Variants in LEKR1 observed in about 807,000 individuals in gnomAD.
The protein encoded by LEKR1 is protein LEKR1.
Under a neutral mutation model 72.4 loss-of-function variants are expected in LEKR1, and 59 were observed. The observed-to-expected ratio is 0.82, with a 90% confidence interval of 0.66 to 1.01. The LOEUF is 1.01. Among genes scored for constraint, LEKR1 ranks in the 50% least tolerant of loss-of-function variants. The pLI is 0.00. For synonymous variants in LEKR1, 257 were observed against 263.2 expected (o/e 0.98, Z 0.23); for missense variants, 728 against 759.2 (o/e 0.96, Z 0.48).
chr3:157,006,219 A>T (rs534070829), intron 9 of LEKR1, among the ~76,000 whole-genome samples: 102 of 150,094 alleles, frequency 6.8e-4, no homozygotes, highest in South Asian at 6.7e-3. Flanking sequence ...GTTAGCCAGG[A>T]TGGTCTCGAT....
chr3:156,951,828 G>A (rs1034973584), intron 6 of LEKR1, among the ~76,000 whole-genome samples: 1 of 151,516 alleles, frequency 6.6e-6, no homozygotes, highest in African/African-American at 2.4e-5. Flanking sequence ...TCTTTTGAAT[G>A]TTTTTGTGTG....
intron 6 of LEKR1, among the ~76,000 whole-genome samples, chr3:156,965,535 C>T (rs1267167246): frequency 6.6e-6 from 1 of 152,162 alleles, no homozygotes; most frequent in African/African-American, 2.4e-5. Flanking sequence ...TTTAATGTAA[C>T]TACATCTGTA....
chr3:157,044,108 A>T (rs932922097), intron 12 of LEKR1, among the ~76,000 whole-genome samples: 16 of 152,150 alleles, frequency 1.1e-4, no homozygotes, highest in Admixed American at 1.0e-3. Context: ...TAGTCAGTCA[A>T]CCCTTAGGGA....
rs1560168174 is a variant in LEKR1, at chr3:157,045,409, C to G, written c.1738C>G (p.Gln580Glu). Residue 580 changes from glutamine (Q) to glutamate (E), a missense_variant, in exon 13 of 13, where the codon CAA (glutamine) becomes GAA (glutamate). Gln to Glu is a conservative substitution (Grantham distance 29). Transcript: ENST00000356539. ...ERFELTEALS[Q>E]AREQLLELSK... is the part of the protein sequence containing the mutation. ...CTTTGAACTGACAGAGGCTTTGAGTCAAGCCAGAGAACAGCTCCTGGAGCT... is the reference window on the plus strand; with the variant it reads ...CTTTGAACTGACAGAGGCTTTGAGTGAAGCCAGAGAACAGCTCCTGGAGCT... 4 of 1,613,854 alleles carry G rather than the reference C, an allele frequency of 2.5e-6. No individual in the cohort carries two copies. The highest frequency in any genetic ancestry group is 1.7e-5 in the Admixed American group (1 of 59,976).
intron 6 of LEKR1, among the ~76,000 whole-genome samples, chr3:156,959,948 C>T (rs1727967555): frequency 6.6e-6 from 1 of 152,086 alleles, no homozygotes. Context: ...TTCATCCCCC[C>T]CACCCATGTT....
chr3:156,966,849 T>C (rs1308419991), intron 6 of LEKR1, among the ~76,000 whole-genome samples: 1 of 151,984 alleles, frequency 6.6e-6, no homozygotes, highest in Non-Finnish European at 1.5e-5. Context: ...GTCCCTGACC[T>C]CCAAGTAGCC....
chr3:157,044,900 T>C (rs781305070), intron 12 of LEKR1, among the ~76,000 whole-genome samples: 6 of 152,252 alleles, frequency 3.9e-5, no homozygotes, highest in African/African-American at 9.6e-5. Flanking sequence ...TATTATAGTA[T>C]ACCTTCACTA....
intron 3 of LEKR1, among the ~76,000 whole-genome samples, chr3:156,883,355 T>C (rs1025594361): frequency 3.3e-5 from 5 of 152,202 alleles, no homozygotes; most frequent in Non-Finnish European, 5.9e-5. Flanking sequence ...CAGAAGGGAC[T>C]TACCCTGTCT....
intron 6 of LEKR1, among the ~76,000 whole-genome samples, chr3:156,960,927 A>G (rs753251271): frequency 3.7e-4 from 56 of 152,214 alleles, no homozygotes; most frequent in Non-Finnish European, 7.1e-4. Flanking sequence ...AAAATGCACA[A>G]TTTATCTCAA....
chr3:156,919,252 G>A (rs566677700), intron 3 of LEKR1, among the ~76,000 whole-genome samples: 1 of 152,280 alleles, frequency 6.6e-6, no homozygotes, highest in South Asian at 2.1e-4. Context: ...CAATTATGAA[G>A]TGTTTACGAG....
intron 6 of LEKR1, chr3:156,977,621 C>T (rs1729811120): frequency 3.7e-6 from 1 of 268,346 alleles, no homozygotes; most frequent in African/African-American, 2.3e-5. Context: ...AAAGTTTCCA[C>T]GTGAAATCAT....
chr3:156,961,649 C>T (rs1037344905), intron 6 of LEKR1, among the ~76,000 whole-genome samples: 1 of 152,140 alleles, frequency 6.6e-6, no homozygotes, highest in African/African-American at 2.4e-5. Flanking sequence ...TGATTCAAGT[C>T]ACAAAATGAG....
intron 3 of LEKR1, among the ~76,000 whole-genome samples, chr3:156,860,403 G>A (rs1453361751): frequency 6.6e-6 from 1 of 152,118 alleles, no homozygotes; most frequent in African/African-American, 2.4e-5. Flanking sequence ...ATGTAGGCTT[G>A]TTTATGAGGG....
chr3:156,985,824 C>G (rs1173486175), intron 7 of LEKR1, among the ~76,000 whole-genome samples: 1 of 128,132 alleles, frequency 7.8e-6, no homozygotes, highest in East Asian at 2.2e-4. Flanking sequence ...GCCTGGGCAG[C>G]AAAGCGAGAC....
intron 2 of LEKR1, among the ~76,000 whole-genome samples, chr3:156,841,138 G>C (rs982395307): frequency 7.9e-5 from 12 of 152,172 alleles, no homozygotes; most frequent in African/African-American, 2.9e-4. Flanking sequence ...AGGAATCCCT[G>C]CATGGTGGGA....
intron 3 of LEKR1, among the ~76,000 whole-genome samples, chr3:156,881,090 A>T (rs972971666): frequency 2.0e-5 from 3 of 152,242 alleles, no homozygotes; most frequent in Non-Finnish European, 4.4e-5. Context: ...AAACTGGCAC[A>T]AGAGAGGGAT....
Position 156,888,280 on chromosome 3 carries a change from A to G in LEKR1, c.264-32295A>G, listed in dbSNP as rs1025310791. 8 of 700,528 alleles carry G rather than the reference A, an allele frequency of 1.1e-5. No individual in the cohort carries two copies. The Admixed American group carries it at 1.4e-4, about 12-fold the overall frequency. The allele number at this position is 700,528 out of a possible 1,614,324, so 43.4% of individuals were successfully genotyped here. On this transcript the variant is annotated intron_variant, in intron 3 of 12. Coordinates refer to ENST00000356539, the MANE Select transcript of LEKR1 (RefSeq NM_001004316.3). ...ACAGTTGATATAAATCGTAATGTTT[A>G]TGTTCAATCTTAACAGCAAAATATA... is the stretch of plus-strand genomic sequence containing the variant.
At chr3:156,899,392 G>GTATATATACATATATACA (rs1721604845) in intron 3 of LEKR1, among the ~76,000 whole-genome samples, 3 of 72,704 alleles carry the variant, frequency 4.1e-5, no homozygotes, top group African/African-American at 1.9e-4. Context: ...ATATATACAT[G>GTATATATACATATATACA]TATATATACA....
intron 3 of LEKR1, among the ~76,000 whole-genome samples, chr3:156,919,947 C>A (rs547393484): frequency 6.6e-6 from 1 of 152,276 alleles, no homozygotes; most frequent in South Asian, 2.1e-4. Context: ...TGACTTCTTA[C>A]CGAAAGCCAC....
Sources: allele counts gnomAD v4.1 joint callset (sites outside exome capture counted in the v4.1 genomes callset), GRCh38; gene constraint gnomAD v4.1.1; transcripts MANE v1.5; gene names NCBI Gene and HGNC (gene_info 2026-07-23, HGNC 2026-07-21).